Variants in ATP8A2 observed in about 807,000 individuals in gnomAD.
ATP8A2 encodes the protein phospholipid-transporting ATPase IB.
Under a neutral mutation model 165.6 loss-of-function variants are expected in ATP8A2, and 100 were observed. The observed-to-expected ratio is 0.60, with a 90% CI of 0.51 to 0.71. The LOEUF (loss-of-function observed/expected upper bound fraction) is 0.71. Ranked by LOEUF, ATP8A2 falls within the 30% of genes least tolerant of loss-of-function variation. The pLI is 0.00. For missense variants in ATP8A2, 1,227 were observed against 1,479.5 expected (o/e 0.83, Z 2.80); for synonymous variants, 543 against 548.8 (o/e 0.99, Z 0.15).
Position 26,025,277 on chromosome 13 carries a change from C to CCCGCCCCACTCTCCCCT in ATP8A2, c.*5292_*5293insCCGCCCCACTCTCCCCT, listed in dbSNP as rs1957148469. The CCCGCCCCACTCTCCCCT allele has an allele frequency of 6.6e-6, 1 of 152,168 alleles. No individual in the cohort carries two copies. Among genetic ancestry groups the CCCGCCCCACTCTCCCCT allele is most frequent in the Non-Finnish European group, 1.5e-5 (1 of 68,066 alleles). 9.4% of individuals were successfully genotyped at this position (152,168 alleles called of 1,614,324 possible). A position where few individuals can be genotyped will look rare whatever the true frequency, so the allele number is the denominator to read the frequency against. ...TCTCCCCTCCCGCCCCACTCTCCCC[C>CCCGCCCCACTCTCCCCT]GTTGCCCGAGATGGCCAAGTTCAGG... is the stretch of plus-strand genomic sequence containing the variant. On this transcript the variant is annotated 3_prime_UTR_variant, in exon 37 of 37. Coordinates refer to ENST00000381655, the MANE Select transcript of ATP8A2 (RefSeq NM_016529.6).
At chr13:25,867,300 C>T (rs192718705) in intron 33 of ATP8A2, among the ~76,000 whole-genome samples, 1 of 152,276 alleles carries the variant, frequency 6.6e-6, no homozygotes, top group East Asian at 1.9e-4. Context: ...CTCATCTTCT[C>T]CAATTGTCTC....
intron 24 of ATP8A2, among the ~76,000 whole-genome samples, chr13:25,677,093 C>T (rs1037989638): frequency 6.6e-5 from 10 of 152,238 alleles, no homozygotes; most frequent in African/African-American, 2.4e-4. Context: ...TTCCATCCTA[C>T]TGCAGCAGAC....
intron 33 of ATP8A2, among the ~76,000 whole-genome samples, chr13:25,939,040 G>A (rs530797275): frequency 3.3e-5 from 5 of 151,870 alleles, no homozygotes; most frequent in Admixed American, 2.0e-4. Flanking sequence ...ATGGGGTTTC[G>A]CCATGTTGGC....
rs148125820 is a variant in ATP8A2 at position 25,891,256 on chromosome 13, G to T, written c.3183+28848G>T. On this transcript the variant is annotated intron_variant, in intron 33 of 36. Coordinates refer to ENST00000381655, the MANE Select transcript of ATP8A2 (RefSeq NM_016529.6). ...AAAGTTACGCCACTCGAAAACGATC[G>T]TGTTGAAAGTGTGTCATATTCAGAA... Among the ~76,000 whole-genome samples, 5 of 152,310 alleles carry T rather than the reference G, an allele frequency of 3.3e-5. No individual in the cohort carries two copies. The East Asian group carries it at 9.6e-4, about 29-fold the overall frequency.
intron 1 of ATP8A2, among the ~76,000 whole-genome samples, chr13:25,418,377 T>A (rs1177430400): frequency 6.6e-6 from 1 of 152,144 alleles, no homozygotes. Flanking sequence ...GTTTTAAGCC[T>A]TGCAGTGCCA....
intron 25 of ATP8A2, among the ~76,000 whole-genome samples, chr13:25,710,039 T>G (rs938086155): frequency 1.3e-5 from 2 of 152,206 alleles, no homozygotes; most frequent in African/African-American, 4.8e-5. Flanking sequence ...TCAGAATGTC[T>G]CAAGCTCAAG....
intron 2 of ATP8A2, among the ~76,000 whole-genome samples, chr13:25,494,199 T>C (rs1345050711): frequency 6.6e-6 from 1 of 152,166 alleles, no homozygotes; most frequent in Admixed American, 6.5e-5. Flanking sequence ...GGTCAATGTC[T>C]GTTAAGGGAC....
At chr13:25,729,334 C>G (rs2043564387) in intron 25 of ATP8A2, among the ~76,000 whole-genome samples, 1 of 152,160 alleles carries the variant, frequency 6.6e-6, no homozygotes, top group African/African-American at 2.4e-5. Flanking sequence ...TCGCAGAGAA[C>G]TAGGGAAGGA....
chr13:25,696,876 A>G (rs1251100488), intron 24 of ATP8A2, among the ~76,000 whole-genome samples: 5 of 152,218 alleles, frequency 3.3e-5, no homozygotes, highest in Admixed American at 3.3e-4. Context: ...CTTTTGGCCT[A>G]TCTTCTTTTG....
At chr13:25,928,580 A>G (rs1344971731) in intron 33 of ATP8A2, among the ~76,000 whole-genome samples, 1 of 152,248 alleles carries the variant, frequency 6.6e-6, no homozygotes, top group Admixed American at 6.5e-5. Context: ...TAATTAAAAG[A>G]AAACTGATAC....
At chr13:25,697,283 G>GTT (rs1370973180) in intron 24 of ATP8A2, among the ~76,000 whole-genome samples, 1 of 152,092 alleles carries the variant, frequency 6.6e-6, no homozygotes, top group East Asian at 1.9e-4. Flanking sequence ...TGTTGTTGTT[G>GTT]TTGTTGTTGT....
chr13:25,401,851 G>C (rs2033647125), intron 1 of ATP8A2, among the ~76,000 whole-genome samples: 1 of 152,120 alleles, frequency 6.6e-6, no homozygotes, highest in Admixed American at 6.5e-5. Flanking sequence ...CACTACTGTT[G>C]TGCTTTGGGG....
intron 35 of ATP8A2, among the ~76,000 whole-genome samples, chr13:26,011,593 G>A (rs1304525753): frequency 6.6e-6 from 1 of 152,136 alleles, no homozygotes; most frequent in Non-Finnish European, 1.5e-5. Context: ...AAAAATCAAA[G>A]CACTTTGACC....
intron 2 of ATP8A2, among the ~76,000 whole-genome samples, chr13:25,512,256 A>G (rs530183404): frequency 7.7e-4 from 118 of 152,294 alleles, no homozygotes; most frequent in African/African-American, 2.6e-3. Context: ...TTAGTACAGA[A>G]CAAAAAGTCT....
In ATP8A2 at chr13:25,651,947, TA is replaced by T. The variant is rs1042933180; in HGVS notation, c.2212-47219del. On this transcript the variant is annotated intron_variant, in intron 24 of 36. Transcript: ENST00000381655. Reference sequence around the variant, plus strand: ...CATCCTTTATTTAGAAATGAAAGATTAAAAAAATTTTTTTAACATTAGTTTT... The same window carrying T: ...CATCCTTTATTTAGAAATGAAAGATTAAAAAATTTTTTTAACATTAGTTTT... Among the ~76,000 whole-genome samples the T allele has an allele frequency of 1.1e-4, 16 of 152,260 alleles. 1 individual carries two copies. The highest frequency in any genetic ancestry group is 3.3e-4 in the Admixed American group (5 of 15,292).
At chr13:25,397,917 A>T (rs9553607) in intron 1 of ATP8A2, among the ~76,000 whole-genome samples, 1 of 152,178 alleles carries the variant, frequency 6.6e-6, no homozygotes, top group African/African-American at 2.4e-5. Flanking sequence ...GTTCAGCTTC[A>T]CCTGAATTGT....
intron 19 of ATP8A2, among the ~76,000 whole-genome samples, chr13:25,576,196 T>C (rs2039613682): frequency 6.6e-6 from 1 of 152,100 alleles, no homozygotes; most frequent in Admixed American, 6.5e-5. Flanking sequence ...TAGGTTAGGA[T>C]GTGGGAATTT....
chr13:26,002,003 T>C (rs1956638843), intron 35 of ATP8A2, among the ~76,000 whole-genome samples: 1 of 152,234 alleles, frequency 6.6e-6, no homozygotes, highest in Admixed American at 6.5e-5. Flanking sequence ...TTATGCTTTT[T>C]ATTAATATTA....
rs1157898677 is a variant in ATP8A2, at chr13:25,579,899, G to A, written c.1959G>A (p.Leu653=). The A allele has an allele frequency of 1.9e-6, 3 of 1,613,938 alleles. No homozygotes were observed. Among genetic ancestry groups the A allele is most frequent in the Non-Finnish European group, 2.5e-6 (3 of 1,180,002 alleles). ...LKVYQEASTI[L]KDRAQRLEEC... is the part of the protein sequence containing the mutation. ...TCTATCAGGAAGCCAGCACCATATT[G>A]AAGGACAGAGCTCAACGGTTGGAAG... Residue 653 remains leucine (L), a synonymous_variant, in exon 22 of 37, where the codon TTG becomes TTA. Transcript: ENST00000381655.
Sources: allele counts gnomAD v4.1 joint callset (sites outside exome capture counted in the v4.1 genomes callset), GRCh38; gene constraint gnomAD v4.1.1; transcripts MANE v1.5; gene names NCBI Gene and HGNC (gene_info 2026-07-23, HGNC 2026-07-21).